Variants in DPP10 observed in about 807,000 individuals in gnomAD.
DPP10 encodes inactive dipeptidyl peptidase 10.
A neutral mutation model predicts 120.9 loss-of-function variants in DPP10; 33 were observed. That is an observed-to-expected ratio of 0.27 (90% confidence interval 0.21 to 0.37). The LOEUF (loss-of-function observed/expected upper bound fraction) is 0.37, where lower values mean the gene tolerates loss of function less well. Ranked by LOEUF, DPP10 falls within the 10% of genes least tolerant of loss-of-function variation. The pLI, the probability that DPP10 is intolerant of heterozygous loss-of-function variation, is 1.00. For synonymous variants in DPP10, 337 were observed against 326.1 expected, an observed-to-expected ratio of 1.03 and a Z score of -0.36; for missense variants, 816 against 942.8, an observed-to-expected ratio of 0.87 and a Z score of 1.76.
intron 5 of DPP10, among the ~76,000 whole-genome samples, chr2:115,602,511 TA>T (rs1575304912): frequency 6.6e-6 from 1 of 152,226 alleles, no homozygotes; most frequent in Non-Finnish European, 1.5e-5. Context: ...TTAAAAAAAT[TA>T]TTTTTTTAGT....
At chr2:115,606,304 G>T (rs562734432) in intron 5 of DPP10, among the ~76,000 whole-genome samples, 6 of 151,900 alleles carry the variant, frequency 3.9e-5, no homozygotes, top group African/African-American at 1.5e-4. Flanking sequence ...ATGTTCTTTC[G>T]CTTTTTTTAA....
intron 1 of DPP10, among the ~76,000 whole-genome samples, chr2:114,747,644 T>G (rs907029457): frequency 6.6e-6 from 1 of 152,192 alleles, no homozygotes; most frequent in Non-Finnish European, 1.5e-5. Context: ...CAGAAAAATA[T>G]GAAATGCTTC....
intron 1 of DPP10, among the ~76,000 whole-genome samples, chr2:114,815,192 CT>C (rs1309166863): frequency 2.0e-5 from 3 of 152,196 alleles, no homozygotes; most frequent in Admixed American, 2.0e-4. Flanking sequence ...CCATCACATA[CT>C]TTTACTTACA....
intron 1 of DPP10, among the ~76,000 whole-genome samples, chr2:114,618,926 C>A (rs763027810): frequency 1.5e-4 from 23 of 151,984 alleles, no homozygotes; most frequent in Non-Finnish European, 5.9e-5. Flanking sequence ...GTAATTTCTA[C>A]ATCACTCTTA....
At chr2:115,429,633 TTAAC>T (rs1315990419) in intron 3 of DPP10, among the ~76,000 whole-genome samples, 1 of 152,174 alleles carries the variant, frequency 6.6e-6, no homozygotes, top group Non-Finnish European at 1.5e-5. Context: ...AAAATAAACA[TTAAC>T]TAAGTGAATG....
At chr2:115,837,609 C>T (rs1459277929) in intron 24 of DPP10, among the ~76,000 whole-genome samples, 1 of 152,114 alleles carries the variant, frequency 6.6e-6, no homozygotes, top group Non-Finnish European at 1.5e-5. Flanking sequence ...GAAAGAGGAA[C>T]TTTACAGTGG....
At chr2:115,246,253 A>G (rs1034024951) in intron 1 of DPP10, among the ~76,000 whole-genome samples, 1 of 152,136 alleles carries the variant, frequency 6.6e-6, no homozygotes, top group Non-Finnish European at 1.5e-5. Context: ...ACGTTACAGG[A>G]CTGTGCTACA....
chr2:114,521,251 G>GACAC (rs60539029), intron 1 of DPP10, among the ~76,000 whole-genome samples: 54,748 of 144,426 alleles, frequency 0.38, 10,709 homozygotes, highest in Middle Eastern at 0.48. Flanking sequence ...CACATGCACA[G>GACAC]ACACACACAC....
intron 1 of DPP10, among the ~76,000 whole-genome samples, chr2:114,950,224 T>G (rs1281237742): frequency 1.3e-5 from 2 of 152,048 alleles, no homozygotes; most frequent in African/African-American, 4.8e-5. Flanking sequence ...AAGCTTTTTT[T>G]TGTCATTAAT....
At chr2:114,676,423 G>A (rs1698675863) in intron 1 of DPP10, among the ~76,000 whole-genome samples, 1 of 152,070 alleles carries the variant, frequency 6.6e-6, no homozygotes, top group South Asian at 2.1e-4. Context: ...TCTGTTTTGT[G>A]GTGAGCATTA....
chr2:115,118,747 T>TTGTGTGTGTGTG (rs59183186), intron 1 of DPP10, among the ~76,000 whole-genome samples: 2 of 140,414 alleles, frequency 1.4e-5, no homozygotes, highest in African/African-American at 5.4e-5. Flanking sequence ...ACACAGCTAA[T>TTGTGTGTGTGTG]TGTGTGTGTG....
intron 3 of DPP10, among the ~76,000 whole-genome samples, chr2:115,385,884 A>G (rs989710364): frequency 1.3e-5 from 2 of 152,218 alleles, no homozygotes; most frequent in Admixed American, 6.5e-5. Flanking sequence ...CCACTCCTAC[A>G]TAAGGTATGA....
chr2:114,876,611 T>A (rs1038809564), intron 1 of DPP10, among the ~76,000 whole-genome samples: 2 of 152,116 alleles, frequency 1.3e-5, no homozygotes, highest in African/African-American at 4.8e-5. Context: ...AAGATTTTTC[T>A]CCCTACTTTA....
chr2:115,751,347 A>G (rs931399469), intron 10 of DPP10, among the ~76,000 whole-genome samples: 2 of 152,218 alleles, frequency 1.3e-5, no homozygotes, highest in East Asian at 1.9e-4. Flanking sequence ...AGTGAACAGG[A>G]CACTGTTCTT....
chr2:115,593,474 A>C (rs561028214), intron 5 of DPP10, among the ~76,000 whole-genome samples: 8 of 152,312 alleles, frequency 5.3e-5, no homozygotes, highest in South Asian at 4.1e-4. Flanking sequence ...TTATTTTTTT[A>C]CTGACGTTTA....
chr2:115,652,929 C>G (rs2149383199), intron 5 of DPP10, among the ~76,000 whole-genome samples: 1 of 152,070 alleles, frequency 6.6e-6, no homozygotes, highest in East Asian at 1.9e-4. Context: ...TAAAACTAAC[C>G]ATCACAATTC....
At chr2:115,300,771 CAG>C (rs1396658983) in intron 1 of DPP10, among the ~76,000 whole-genome samples, 2 of 152,122 alleles carry the variant, frequency 1.3e-5, no homozygotes, top group East Asian at 1.9e-4. Context: ...CTTTAGCTCT[CAG>C]AGTGTATTTA....
intron 1 of DPP10, among the ~76,000 whole-genome samples, chr2:115,154,421 T>C (rs911815044): frequency 6.6e-6 from 1 of 152,154 alleles, no homozygotes; most frequent in Non-Finnish European, 1.5e-5. Context: ...GGGTTCTTAC[T>C]CATATCCAAC....
At position 115,356,665 on chromosome 2, in the gene DPP10, A is replaced by G. The variant is rs555582154; in HGVS notation, c.271+12753A>G. Among the ~76,000 whole-genome samples, 4 of 152,278 alleles carry G rather than the reference A, an allele frequency of 2.6e-5. No homozygotes were observed. The South Asian group carries it at 6.2e-4, about 24-fold the overall frequency. On this transcript the variant is annotated intron_variant, in intron 3 of 25. Transcript: ENST00000410059. Reference sequence around the variant, plus strand: ...AAGGGAATGCTTCCAGATTTTGCCCATTCAATATGATATTGGCTAGGGGTT... The same window carrying G: ...AAGGGAATGCTTCCAGATTTTGCCCGTTCAATATGATATTGGCTAGGGGTT...
Sources: allele counts gnomAD v4.1 joint callset (sites outside exome capture counted in the v4.1 genomes callset), GRCh38; gene constraint gnomAD v4.1.1; transcripts MANE v1.5; gene names NCBI Gene and HGNC (gene_info 2026-07-23, HGNC 2026-07-21).